SLC9A1: variants seen among roughly 807,000 people sequenced by gnomAD.
The protein encoded by SLC9A1 is sodium/hydrogen exchanger 1.
A neutral mutation model predicts 67.9 loss-of-function variants in SLC9A1; 22 were observed. That is an observed-to-expected ratio of 0.32 (90% CI 0.23 to 0.46). SLC9A1 has a LOEUF of 0.46. Among genes scored for constraint, SLC9A1 ranks in the 20% least tolerant of loss-of-function variants. The probability of loss-of-function intolerance (pLI) is 1.00; values close to 1 mark genes in which losing one functional copy is unlikely to be tolerated. For synonymous variants in SLC9A1, 421 were observed against 471.8 expected, an observed-to-expected ratio of 0.89 and a Z score of 1.40; for missense variants, 686 against 1,094.8, an observed-to-expected ratio of 0.63 and a Z score of 5.27.
chr1:27,112,883 CAAAAAAAAA>C (rs58540104), intron 2 of SLC9A1, among the ~76,000 whole-genome samples: 1 of 41,504 alleles, frequency 2.4e-5, no homozygotes. Flanking sequence ...GACTCCATCT[CAAAAAAAAA>C]AAAAAAAAAA....
intron 2 of SLC9A1, among the ~76,000 whole-genome samples, chr1:27,111,927 A>G (rs1215910845): frequency 6.6e-6 from 1 of 152,172 alleles, no homozygotes; most frequent in Non-Finnish European, 1.5e-5. Flanking sequence ...TGGGTCCACA[A>G]ATGGCTGGGT....
chr1:27,115,732 CCT>C (rs2083268178), intron 1 of SLC9A1, among the ~76,000 whole-genome samples: 1 of 151,078 alleles, frequency 6.6e-6, no homozygotes, highest in African/African-American at 2.4e-5. Context: ...TTGAGCCCAG[CCT>C]CAAAAAAAAA....
intron 1 of SLC9A1, among the ~76,000 whole-genome samples, chr1:27,124,683 A>G (rs1465319321): frequency 2.0e-5 from 3 of 152,196 alleles, no homozygotes; most frequent in African/African-American, 7.2e-5. Context: ...TTCTATCCCT[A>G]GTAGCTTTAT....
chr1:27,101,669 G>A lies in SLC9A1; in HGVS notation c.2037+56C>T. The A allele has an allele frequency of 8.0e-7, 1 of 1,254,584 alleles. No individual in the cohort carries two copies. Among genetic ancestry groups the A allele is most frequent in the Non-Finnish European group, 1.2e-6 (1 of 868,216 alleles). 77.7% of individuals were successfully genotyped at this position (1,254,584 alleles called of 1,614,324 possible). A position where few individuals can be genotyped will look rare whatever the true frequency, so the allele number is the denominator to read the frequency against. On this transcript the variant is annotated intron_variant, in intron 10 of 11. Coordinates refer to ENST00000263980, the MANE Select transcript of SLC9A1 (RefSeq NM_003047.5). The surrounding 1 kb of genome is among the most constrained non-coding windows in gnomAD (Gnocchi z 4.9). ...TGGGTACATTTCCTTAGAGGCTGTGGCGGAGCTTGGGCGAGTGGGGTGGGA... is the reference window on the plus strand; with the variant it reads ...TGGGTACATTTCCTTAGAGGCTGTGACGGAGCTTGGGCGAGTGGGGTGGGA...
intron 1 of SLC9A1, among the ~76,000 whole-genome samples, chr1:27,123,185 G>T (rs1227894320): frequency 5.9e-5 from 9 of 152,070 alleles, no homozygotes; most frequent in Non-Finnish European, 1.3e-4. Flanking sequence ...TAAAACTTAT[G>T]GTCATTAAAA....
In SLC9A1 at chr1:27,137,523, G is replaced by A. The variant is rs2083427493; in HGVS notation, c.352+16460C>T. On this transcript the variant is annotated intron_variant, in intron 1 of 11. Transcript: ENST00000263980. The surrounding 1 kb of genome is among the most constrained non-coding windows in gnomAD (Gnocchi z 4.6). ...GGGGACCACAAAGTTGCAAGTGGGG[G>A]AGGGGGGTTTCAGTCCTGGTCTTTT... Among the ~76,000 whole-genome samples the A allele has an allele frequency of 2.6e-5, 4 of 152,146 alleles. No individual in the cohort carries two copies. Among genetic ancestry groups the A allele is most frequent in the Admixed American group, 2.0e-4 (3 of 15,284 alleles).
chr1:27,143,964 G>C (rs915443850), intron 1 of SLC9A1, among the ~76,000 whole-genome samples: 1 of 152,078 alleles, frequency 6.6e-6, no homozygotes, highest in Non-Finnish European at 1.5e-5. Flanking sequence ...AGTAATGAGG[G>C]GGACTTTTCC....
At chr1:27,134,853 TG>T (rs1404908824) in intron 1 of SLC9A1, among the ~76,000 whole-genome samples, 6 of 151,644 alleles carry the variant, frequency 4.0e-5, no homozygotes, top group African/African-American at 1.5e-4. Flanking sequence ...TCTCCCACCT[TG>T]GCCTCCCAAG....
intron 1 of SLC9A1, among the ~76,000 whole-genome samples, chr1:27,130,258 A>G (rs542219482): frequency 2.0e-5 from 3 of 151,952 alleles, no homozygotes; most frequent in African/African-American, 7.2e-5. Flanking sequence ...CCGCCACCAC[A>G]CTCGGTTAAT....
In SLC9A1 at chr1:27,148,446, T is replaced by C. The variant is rs115554820; in HGVS notation, c.352+5537A>G. Among the ~76,000 whole-genome samples the C allele has an allele frequency of 8.5e-3, 1,292 of 152,220 alleles. 24 individuals carry two copies. The highest frequency in any genetic ancestry group is 0.03 in the African/African-American group (1,243 of 41,534). ...TTACCAATGTGGATGTGTCTGGTCA[T>C]TGACTCTCCTCAAAGCCCCTTTAAA... On this transcript the variant is annotated intron_variant, in intron 1 of 11. Transcript: ENST00000263980.
rs77678287 is a variant in SLC9A1, at chr1:27,124,775, A to G, written c.353-10489T>C. 8.1e-3 allele frequency among the ~76,000 whole-genome samples: 1,235 copies of G among 152,130 alleles called. 17 individuals carry two copies. The highest frequency in any genetic ancestry group is 0.028 in the African/African-American group (1,145 of 41,496). On this transcript the variant is annotated intron_variant, in intron 1 of 11. Transcript: ENST00000263980. Reference sequence around the variant, plus strand: ...GGGGTGTTAGCCATCCTCCACTTGGACATTTTAGTGACCTCTCAGAAGGGC... The same window carrying G: ...GGGGTGTTAGCCATCCTCCACTTGGGCATTTTAGTGACCTCTCAGAAGGGC...
intron 2 of SLC9A1, among the ~76,000 whole-genome samples, chr1:27,112,726 A>G (rs2083236548): frequency 6.6e-6 from 1 of 151,984 alleles, no homozygotes; most frequent in South Asian, 2.1e-4. Context: ...TCTACTAAAA[A>G]CACAAAAATT....
At position 27,101,372 on chromosome 1, in the gene SLC9A1, G is replaced by T; in HGVS notation, c.2038-97C>A. On this transcript the variant is annotated intron_variant, in intron 10 of 11. Transcript: ENST00000263980. The surrounding 1 kb of genome is among the most constrained non-coding windows in gnomAD (Gnocchi z 4.9). ...AGTGCACACCCCACCTTTCGTATAT[G>T]CAGGGCGCTTGCTCCCCCTCCCTTG... The T allele has an allele frequency of 1.1e-6, 1 of 930,104 alleles. No individual in the cohort carries two copies. Among genetic ancestry groups the T allele is most frequent in the Non-Finnish European group, 1.7e-6 (1 of 590,996 alleles). 57.6% of individuals were successfully genotyped at this position (930,104 alleles called of 1,614,324 possible).
In SLC9A1 at chr1:27,101,604, C is replaced by A; in HGVS notation, c.2037+121G>T. On this transcript the variant is annotated intron_variant, in intron 10 of 11. Coordinates refer to ENST00000263980, the MANE Select transcript of SLC9A1 (RefSeq NM_003047.5). This position sits in a 1 kb window ranked among gnomAD's most constrained non-coding sequence, Gnocchi z 4.9. ...ACTCATGGCTCTCCATGCCCTTACA[C>A]TGCTAAAAGCCCCTCGAAAGCCAAA... 1 of 730,698 alleles carries A rather than the reference C, an allele frequency of 1.4e-6. No individual in the cohort carries two copies. Among genetic ancestry groups the A allele is most frequent in the South Asian group, 1.7e-5 (1 of 59,808 alleles). 45.3% of individuals were successfully genotyped at this position (730,698 alleles called of 1,614,324 possible).
At chr1:27,111,721 G>A (rs976711157) in intron 2 of SLC9A1, among the ~76,000 whole-genome samples, 16 of 152,290 alleles carry the variant, frequency 1.1e-4, no homozygotes, top group African/African-American at 3.9e-4. Context: ...AAGAGGGGAT[G>A]ATCATTTGAG....
chr1:27,141,494 T>C (rs553654906), intron 1 of SLC9A1, among the ~76,000 whole-genome samples: 2 of 152,328 alleles, frequency 1.3e-5, no homozygotes, highest in South Asian at 4.1e-4. Flanking sequence ...CAGTGGTCAC[T>C]TGCACAGCCT....
chr1:27,102,949 G>T (rs1352171249), intron 6 of SLC9A1, among the ~76,000 whole-genome samples: 1 of 152,132 alleles, frequency 6.6e-6, no homozygotes, highest in African/African-American at 2.4e-5. Flanking sequence ...GCCTGTGTCC[G>T]GCTGAGCCCC....
At position 27,105,897 on chromosome 1, in the gene SLC9A1, G is replaced by A. The variant is rs1308941023; in HGVS notation, c.1473C>T (p.Thr491=). 8.1e-6 allele frequency: 13 copies of A among 1,613,276 alleles called. No individual in the cohort carries two copies. Among genetic ancestry groups the A allele is most frequent in the South Asian group, 2.2e-5 (2 of 91,082 alleles). The change falls in exon 5 of 12, where the codon ACC becomes ACT. Residue 491 remains threonine, a synonymous_variant. Transcript: ENST00000263980. ...CCTGGCCCAGCACCTGCACAAAGAC[G>A]GTGAAGAAGATGACAGTGATGATGG... ...LTAIITVIFF[T]VFVQGMTIRP... is the part of the protein sequence containing the mutation.
intron 5 of SLC9A1, chr1:27,105,661 T>TAA: frequency 1.4e-6 from 1 of 706,266 alleles, no homozygotes; most frequent in South Asian, 1.5e-5. Flanking sequence ...CTGGTTCCTT[T>TAA]ACATTCTGAT....
Sources: allele counts gnomAD v4.1 joint callset (sites outside exome capture counted in the v4.1 genomes callset), GRCh38; gene constraint gnomAD v4.1.1; non-coding constraint Gnocchi (gnomAD v3.1); transcripts MANE v1.5; gene names NCBI Gene and HGNC (gene_info 2026-07-23, HGNC 2026-07-21).